The following ANKFN1 variants were observed in gnomAD, a reference collection of about 807,000 sequenced individuals.
ANKFN1 encodes the protein ankyrin repeat and fibronectin type III domain containing 1.
In ANKFN1, 74 loss-of-function variants were observed where a neutral mutation model predicts 108.7. That is an observed-to-expected ratio of 0.68 (90% CI 0.56 to 0.83). The LOEUF (loss-of-function observed/expected upper bound fraction) is 0.83, where lower values mean the gene tolerates loss of function less well. Among genes scored for constraint, ANKFN1 ranks in the 40% least tolerant of loss-of-function variants. ANKFN1 has a pLI of 0.00. For synonymous variants in ANKFN1, 547 were observed against 516.2 expected (o/e 1.06, Z -0.81); for missense variants, 1,505 against 1,382.3 (o/e 1.09, Z -1.41).
intron 8 of ANKFN1, among the ~76,000 whole-genome samples, chr17:56,399,843 T>TTATATATA (rs71139904): frequency 6.3e-4 from 41 of 64,816 alleles, no homozygotes; most frequent in Non-Finnish European, 1.8e-3. Context: ...ATTCCATTTT[T>TTATATATA]TATATATATA....
intron 19 of ANKFN1, among the ~76,000 whole-genome samples, chr17:56,496,138 C>T (rs944869349): frequency 1.3e-5 from 2 of 152,206 alleles, no homozygotes; most frequent in South Asian, 2.1e-4. Flanking sequence ...AGCTAAGTCT[C>T]ATTAAACTCA....
intron 3 of ANKFN1, among the ~76,000 whole-genome samples, chr17:56,300,491 A>G (rs2044641630): frequency 6.6e-6 from 1 of 152,186 alleles, no homozygotes; most frequent in African/African-American, 2.4e-5. Flanking sequence ...CTTAACTCAT[A>G]AAAATGGTTT....
At chr17:56,086,540 T>C (rs1035993612) in intron 4 of ANKFN1, among the ~76,000 whole-genome samples, 11 of 151,454 alleles carry the variant, frequency 7.3e-5, no homozygotes, top group African/African-American at 2.2e-4. Context: ...TCAGTGCATT[T>C]TCAGGTTTCC....
intron 6 of ANKFN1, among the ~76,000 whole-genome samples, chr17:56,358,805 G>A (rs554876789): frequency 1.1e-4 from 16 of 152,162 alleles, no homozygotes; most frequent in Non-Finnish European, 1.0e-4. Context: ...GATCCCAGTC[G>A]CTATGACTCA....
At chr17:56,144,079 G>A (rs1908088738) in intron 4 of ANKFN1, among the ~76,000 whole-genome samples, 1 of 149,602 alleles carries the variant, frequency 6.7e-6, no homozygotes, top group Non-Finnish European at 1.5e-5. Flanking sequence ...TGCTCCCAGA[G>A]GGCAGAGGTT....
At chr17:56,049,021 A>C (rs959284876) in intron 4 of ANKFN1, among the ~76,000 whole-genome samples, 7 of 152,254 alleles carry the variant, frequency 4.6e-5, no homozygotes, top group Non-Finnish European at 8.8e-5. Context: ...TTAGTGATGG[A>C]GGCCAGACAG....
At chr17:56,053,252 A>G (rs1250181715) in intron 4 of ANKFN1, among the ~76,000 whole-genome samples, 1 of 152,152 alleles carries the variant, frequency 6.6e-6, no homozygotes, top group Non-Finnish European at 1.5e-5. Context: ...TCACATCAGG[A>G]TAAATGGGGC....
At position 56,334,170 on chromosome 17, in the gene ANKFN1, T is replaced by C. The variant is rs141272748; in HGVS notation, c.188+7815T>C. On this transcript the variant is annotated intron_variant, in intron 4 of 20. Coordinates refer to ENST00000682825, the MANE Select transcript of ANKFN1 (RefSeq NM_001370326.1). ...TACTGACACGAAGAGTATAGATGGA[T>C]CTCAAAATGTTTACGCTGATTTAAA... 4.8e-3 allele frequency among the ~76,000 whole-genome samples: 736 copies of C among 152,238 alleles called. 12 individuals carry two copies. Among genetic ancestry groups the C allele is most frequent in the African/African-American group, 0.017 (703 of 41,560 alleles).
chr17:56,274,136 T>C (rs1181148880), intron 3 of ANKFN1, among the ~76,000 whole-genome samples: 2 of 151,976 alleles, frequency 1.3e-5, no homozygotes, highest in Non-Finnish European at 2.9e-5. Flanking sequence ...GGGAATGGGG[T>C]AGAGAGCAGA....
intron 1 of ANKFN1, among the ~76,000 whole-genome samples, chr17:56,188,128 T>C (rs1912428428): frequency 6.6e-6 from 1 of 152,208 alleles, no homozygotes; most frequent in African/African-American, 2.4e-5. Context: ...ATGAGGCTAA[T>C]GTAAGTTACT....
chr17:56,226,064 G>T (rs145208743), intron 2 of ANKFN1, among the ~76,000 whole-genome samples: 43 of 152,304 alleles, frequency 2.8e-4, no homozygotes, highest in African/African-American at 9.1e-4. Flanking sequence ...CAAAGGAGCT[G>T]AAGGGTACAC....
At chr17:56,131,974 G>C (rs1488228722) in intron 4 of ANKFN1, among the ~76,000 whole-genome samples, 3 of 152,132 alleles carry the variant, frequency 2.0e-5, no homozygotes, top group Non-Finnish European at 4.4e-5. Flanking sequence ...CTTAAGAATC[G>C]AATCATATGG....
At position 56,176,862 on chromosome 17, in the gene ANKFN1, G is replaced by GA. The variant is rs1478731740; in HGVS notation, c.-71+23339dup. 1.1e-4 allele frequency among the ~76,000 whole-genome samples: 17 copies of GA among 152,132 alleles called. No individual in the cohort carries two copies. The East Asian group carries it at 2.7e-3, about 24-fold the overall frequency. ...TCAGGACTGATTACATATTGTAAGAGAAAAAAATTCATCCTATCATTGGGA... is the reference window on the plus strand; with the variant it reads ...TCAGGACTGATTACATATTGTAAGAGAAAAAAAATTCATCCTATCATTGGGA... On this transcript the variant is annotated intron_variant, in intron 1 of 20. Transcript: ENST00000682825.
At chr17:56,401,325 A>AGTATTGTATTGTATTGTATT (rs1176791583) in intron 8 of ANKFN1, among the ~76,000 whole-genome samples, 90 of 143,510 alleles carry the variant, frequency 6.3e-4, no homozygotes, top group African/African-American at 2.2e-3. Flanking sequence ...TACATTCCGA[A>AGTATTGTATTGTATTGTATT]GTATTGTATT....
intron 8 of ANKFN1, among the ~76,000 whole-genome samples, chr17:56,384,397 C>T (rs1415668023): frequency 3.9e-5 from 6 of 152,172 alleles, no homozygotes; most frequent in African/African-American, 1.2e-4. Flanking sequence ...AAACTGGAAG[C>T]ATTCCCTTTG....
chr17:56,396,219 G>A (rs1231783448), intron 8 of ANKFN1, among the ~76,000 whole-genome samples: 2 of 152,124 alleles, frequency 1.3e-5, no homozygotes, highest in East Asian at 3.9e-4. Flanking sequence ...AGGCCAAGGC[G>A]GGCAGATCAC....
chr17:56,177,185 C>A (rs1911250616), intron 1 of ANKFN1, among the ~76,000 whole-genome samples: 1 of 152,176 alleles, frequency 6.6e-6, no homozygotes, highest in African/African-American at 2.4e-5. Flanking sequence ...TTCTGTTCAA[C>A]CATTTGGTTT....
intron 4 of ANKFN1, among the ~76,000 whole-genome samples, chr17:56,100,312 G>A (rs1328520527): frequency 6.6e-6 from 1 of 152,170 alleles, no homozygotes; most frequent in African/African-American, 2.4e-5. Context: ...GGATTTTAAG[G>A]TTAGATGTCT....
chr17:56,289,400 C>G (rs1208830772), intron 3 of ANKFN1, among the ~76,000 whole-genome samples: 1 of 152,156 alleles, frequency 6.6e-6, no homozygotes, highest in Non-Finnish European at 1.5e-5. Context: ...GCCAAAAGGA[C>G]AGCAGATTCG....
Sources: allele counts gnomAD v4.1 joint callset (sites outside exome capture counted in the v4.1 genomes callset), GRCh38; gene constraint gnomAD v4.1.1; transcripts MANE v1.5; gene names NCBI Gene and HGNC (gene_info 2026-07-23, HGNC 2026-07-21).